Variants in SOX5 observed in about 807,000 individuals in gnomAD.
The protein encoded by SOX5 is transcription factor SOX-5.
In SOX5, 9 loss-of-function variants were observed where a neutral mutation model predicts 92.0. The observed-to-expected ratio is 0.10, with a 90% confidence interval of 0.06 to 0.17. The LOEUF (loss-of-function observed/expected upper bound fraction) is 0.17, where lower values mean the gene tolerates loss of function less well. SOX5 is among the 10% of genes least tolerant of loss of function. SOX5 has a pLI of 1.00. For missense variants in SOX5, 642 were observed against 944.5 expected (o/e 0.68, Z 4.20); for synonymous variants, 344 against 336.3 (o/e 1.02, Z -0.25).
chr12:23,956,543 C>T (rs576475217), intron 4 of SOX5, among the ~76,000 whole-genome samples: 126 of 152,242 alleles, frequency 8.3e-4, no homozygotes, highest in African/African-American at 2.8e-3. Context: ...TGCCATACTC[C>T]CACCTCACCT....
chr12:24,007,201 G>A lies in SOX5; in HGVS notation c.-1-111177C>T, dbSNP rs1454561507. On this transcript the variant is annotated intron_variant, in intron 4 of 4. Coordinates refer to the SOX5 transcript ENST00000446891. The stretch of plus-strand genomic sequence containing the variant: ...TTTATATATATAAATGTATATAAAT[G>A]TATTTATATATATAAATGTATATAA... Among the ~76,000 whole-genome samples, 4 of 50,746 alleles carry A rather than the reference G, an allele frequency of 7.9e-5. 1 individual carries two copies. The highest frequency in any genetic ancestry group is 1.2e-4 in the Non-Finnish European group (3 of 25,542). 33.3% of individuals were successfully genotyped at this position (50,746 alleles called of 152,430 possible). A position where few individuals can be genotyped will look rare whatever the true frequency, so the allele number is the denominator to read the frequency against.
At chr12:24,140,534 T>C (rs577455363) in intron 4 of SOX5, among the ~76,000 whole-genome samples, 1 of 152,280 alleles carries the variant, frequency 6.6e-6, no homozygotes, top group South Asian at 2.1e-4. Context: ...TGAAATATAT[T>C]ATAGCTTTAT....
At chr12:24,100,587 G>A (rs886257031) in intron 4 of SOX5, among the ~76,000 whole-genome samples, 1 of 151,994 alleles carries the variant, frequency 6.6e-6, no homozygotes, top group Non-Finnish European at 1.5e-5. Context: ...TCCCATAAAG[G>A]CCAGTGCCAT....
intron 6 of SOX5, among the ~76,000 whole-genome samples, chr12:23,719,015 G>T (rs777862923): frequency 1.1e-4 from 17 of 152,194 alleles, no homozygotes; most frequent in Non-Finnish European, 1.9e-4. Context: ...AGTGGGTAAA[G>T]TTATAGCATA....
At chr12:23,985,270 G>A (rs1214724424) in intron 4 of SOX5, among the ~76,000 whole-genome samples, 1 of 102,424 alleles carries the variant, frequency 9.8e-6, no homozygotes, top group Admixed American at 9.8e-5. Context: ...TTAAAGACAG[G>A]GTCCCACTCC....
intron 1 of SOX5, among the ~76,000 whole-genome samples, chr12:24,382,072 C>T (rs554926489): frequency 6.6e-6 from 1 of 152,288 alleles, no homozygotes; most frequent in African/African-American, 2.4e-5. Context: ...GAACAAGTTC[C>T]TTGCCCTCAC....
At chr12:24,561,975 A>T (rs1219324384) in intron 1 of SOX5, among the ~76,000 whole-genome samples, 1 of 152,234 alleles carries the variant, frequency 6.6e-6, no homozygotes, top group Non-Finnish European at 1.5e-5. Flanking sequence ...TTACAAAACA[A>T]TACCAGCAAC....
chr12:23,957,107 T>C (rs1037264959), intron 4 of SOX5, among the ~76,000 whole-genome samples: 3 of 152,236 alleles, frequency 2.0e-5, no homozygotes, highest in Admixed American at 6.5e-5. Context: ...TAAGTCCTTC[T>C]TTACAGTTTT....
chr12:23,546,357 C>A lies in SOX5; in HGVS notation c.1556G>T (p.Ser519Ile). The A allele has an allele frequency of 6.2e-7, 1 of 1,608,866 alleles. No homozygotes were observed. Among genetic ancestry groups the A allele is most frequent in the East Asian group, 2.2e-5 (1 of 44,818 alleles). Reference sequence around the variant, plus strand: ...CAGATTGAAATCCATCATTGCATGGCTAAATTTTCCTTCTTCATTCTGTTT... The same window carrying A: ...CAGATTGAAATCCATCATTGCATGGATAAATTTTCCTTCTTCATTCTGTTT... ...AVKQNEEGKF[S>I]HAMMDFNLSG... The change falls in exon 12 of 15, where the codon AGC (serine) becomes ATC (isoleucine). Residue 519 changes from serine to isoleucine, a missense_variant. Physicochemically the swap from Ser to Ile is moderately radical, Grantham distance 142. Around this residue, in one of 8 missense-constraint regions of SOX5, gnomAD observed 324 missense variants for 461.6 expected, o/e 0.70. Coordinates refer to ENST00000451604, the MANE Select transcript of SOX5 (RefSeq NM_006940.6).
intron 4 of SOX5, among the ~76,000 whole-genome samples, chr12:24,131,839 G>C (rs891975772): frequency 1.3e-5 from 2 of 152,120 alleles, no homozygotes. Context: ...TTTAAAACAA[G>C]TATTTTTAGA....
rs551331935 is a variant in SOX5, at chr12:23,829,750, A to G, written c.481+16233T>C. Reference sequence around the variant, plus strand: ...CAAACTAATGTATCAGCAGGAATCAAATAGATTCTTTTTTTATTGAGTCAA... The same window carrying G: ...CAAACTAATGTATCAGCAGGAATCAGATAGATTCTTTTTTTATTGAGTCAA... On this transcript the variant is annotated intron_variant, in intron 3 of 14. Coordinates refer to ENST00000451604, the MANE Select transcript of SOX5 (RefSeq NM_006940.6). Among the ~76,000 whole-genome samples the G allele has an allele frequency of 5.3e-5, 8 of 152,288 alleles. No homozygotes were observed. The East Asian group carries it at 1.5e-3, about 29-fold the overall frequency.
chr12:23,988,175 G>A (rs931255769), intron 4 of SOX5, among the ~76,000 whole-genome samples: 2 of 152,126 alleles, frequency 1.3e-5, no homozygotes, highest in Non-Finnish European at 2.9e-5. Flanking sequence ...AGTAATGGAG[G>A]TGACAAACAG....
chr12:23,734,681 G>A lies in SOX5; in HGVS notation c.810+3C>T, dbSNP rs2093521402. 6.2e-7 allele frequency: 1 copy of A among 1,605,414 alleles called. No homozygotes were observed. The highest frequency in any genetic ancestry group is 8.5e-7 in the Non-Finnish European group (1 of 1,173,010). The stretch of plus-strand genomic sequence containing the variant: ...TAAGTATATTGAAATTATGATTTCT[G>A]ACCTGGATCTGTTGCTGGAGCAAAT... On this transcript the variant is annotated splice_donor_region_variant and intron_variant, in intron 6 of 14. Transcript: ENST00000451604.
intron 9 of SOX5, among the ~76,000 whole-genome samples, chr12:23,588,174 G>T (rs1273826697): frequency 6.6e-6 from 1 of 151,934 alleles, no homozygotes; most frequent in African/African-American, 2.4e-5. Flanking sequence ...AAGATGCTTA[G>T]CTTGATGATA....
chr12:24,520,682 A>C (rs1473614056), intron 1 of SOX5, among the ~76,000 whole-genome samples: 1 of 152,142 alleles, frequency 6.6e-6, no homozygotes, highest in African/African-American at 2.4e-5. Flanking sequence ...AAATTCACCA[A>C]TGAAAAGGCA....
At chr12:24,371,590 C>T (rs933731825) in intron 1 of SOX5, among the ~76,000 whole-genome samples, 2 of 152,230 alleles carry the variant, frequency 1.3e-5, no homozygotes, top group African/African-American at 4.8e-5. Context: ...TTATGGGCTA[C>T]GTTTCCTTAA....
intron 4 of SOX5, among the ~76,000 whole-genome samples, chr12:24,076,731 G>T (rs1272270906): frequency 8.2e-6 from 1 of 122,456 alleles, no homozygotes; most frequent in African/African-American, 3.1e-5. Flanking sequence ...GTAATGGTTG[G>T]TAAGACTGAA....
chr12:24,179,330 G>A (rs1038828596), intron 4 of SOX5, among the ~76,000 whole-genome samples: 3 of 152,094 alleles, frequency 2.0e-5, no homozygotes, highest in Non-Finnish European at 2.9e-5. Flanking sequence ...AAAATAGTTC[G>A]ACTTACAATT....
At chr12:24,106,879 A>C (rs1946757678) in intron 4 of SOX5, among the ~76,000 whole-genome samples, 1 of 150,952 alleles carries the variant, frequency 6.6e-6, no homozygotes, top group Non-Finnish European at 1.5e-5. Flanking sequence ...ATTCCAAAGG[A>C]TGAGAAATAC....
Sources: gnomAD v4.1 joint callset for allele counts (sites outside exome capture counted in the v4.1 genomes callset) on GRCh38, gnomAD v4.1.1 for gene constraint, gnomAD v4.1.1 regional missense constraint, MANE v1.5 for transcripts, NCBI Gene and HGNC (gene_info 2026-07-23, HGNC 2026-07-21) for gene names.